The following DMXL1 variants were observed in gnomAD, a reference collection of about 807,000 sequenced individuals.
DMXL1 encodes dmX-like protein 1.
A neutral mutation model predicts 319.2 loss-of-function variants in DMXL1; 99 were observed. The ratio of observed to expected loss-of-function variants is 0.31; its 90% CI spans 0.26 to 0.37. The LOEUF (loss-of-function observed/expected upper bound fraction) is 0.37. Among genes scored for constraint, DMXL1 ranks in the 10% least tolerant of loss-of-function variants. The pLI, the probability that DMXL1 is intolerant of heterozygous loss-of-function variation, is 1.00. For missense variants in DMXL1, 3,745 were observed against 3,595.6 expected (o/e 1.04, Z -1.06); for synonymous variants, 1,385 against 1,235.2 (o/e 1.12, Z -2.54).
chr5:119,150,159 TG>T lies in DMXL1; in HGVS notation c.4333del (p.Glu1445SerfsTer8). ...ACCAATTATCTAAAGAAAGTTATGATGAGCTTTTTCAGACTCAACTTCTAAT... is the reference window on the plus strand; with the variant it reads ...ACCAATTATCTAAAGAAAGTTATGATAGCTTTTTCAGACTCAACTTCTAAT... ...SNQLSKESYD[E>X]LFQTQLLMTD... On this transcript the variant is annotated frameshift_variant, in exon 18 of 44. Coordinates refer to ENST00000539542, the MANE Select transcript of DMXL1 (RefSeq NM_001290321.3). LOFTEE classifies it high-confidence loss of function. The T allele has an allele frequency of 6.2e-7, 1 of 1,613,884 alleles. No individual in the cohort carries two copies. Among genetic ancestry groups the T allele is most frequent in the Non-Finnish European group, 8.5e-7 (1 of 1,179,890 alleles).
intron 32 of DMXL1, among the ~76,000 whole-genome samples, chr5:119,202,653 A>C (rs1012991121): frequency 6.6e-5 from 10 of 151,846 alleles, no homozygotes; most frequent in African/African-American, 2.4e-4. Context: ...GGAGTTCAAG[A>C]CCAGCCTGCC....
intron 10 of DMXL1, chr5:119,132,724 TC>T: frequency 3.9e-6 from 2 of 518,060 alleles, no homozygotes; most frequent in South Asian, 2.9e-5. Flanking sequence ...TGACAATTAG[TC>T]CTATATTGGC....
intron 19 of DMXL1, among the ~76,000 whole-genome samples, chr5:119,152,526 T>C (rs776051466): frequency 2.6e-5 from 4 of 152,228 alleles, no homozygotes; most frequent in Non-Finnish European, 5.9e-5. Flanking sequence ...ATTAGTTTAG[T>C]ATATTTCATG....
intron 4 of DMXL1, among the ~76,000 whole-genome samples, chr5:119,105,693 C>A (rs1758181342): frequency 6.6e-6 from 1 of 151,968 alleles, no homozygotes; most frequent in Admixed American, 6.6e-5. Context: ...GTTGGGAGTT[C>A]AAGACCCGCC....
intron 34 of DMXL1, among the ~76,000 whole-genome samples, chr5:119,215,837 C>G (rs1783583468): frequency 6.6e-6 from 1 of 151,994 alleles, no homozygotes; most frequent in African/African-American, 2.4e-5. Context: ...TGGCTCACGC[C>G]CATAATCCCA....
intron 38 of DMXL1, among the ~76,000 whole-genome samples, chr5:119,227,758 T>C (rs1248700975): frequency 1.3e-5 from 2 of 152,332 alleles, no homozygotes; most frequent in East Asian, 3.9e-4. Flanking sequence ...TTTCCAATTA[T>C]GTCCTGCTAT....
chr5:119,151,785 T>C, intron 18 of DMXL1, 144 bp from the exon 19 acceptor site: 2 of 483,506 alleles, frequency 4.1e-6, no homozygotes, highest in Non-Finnish European at 7.3e-6. Context: ...TGTAAAATTC[T>C]GTAGAAAAAG....
chr5:119,095,350 G>A (rs1561563901), intron 1 of DMXL1, among the ~76,000 whole-genome samples: 1 of 152,156 alleles, frequency 6.6e-6, no homozygotes, highest in African/African-American at 2.4e-5. Context: ...ATTTTCCTCT[G>A]TATAGTACTA....
At chr5:119,128,012 T>C in intron 9 of DMXL1, 1 of 409,630 alleles carries the variant, frequency 2.4e-6, no homozygotes, top group Non-Finnish European at 4.9e-6. Context: ...GCATCTGACA[T>C]CTGTTTTATC....
rs1207635623 is a variant in DMXL1 at position 119,149,436 on chromosome 5, G to A, written c.3609G>A (p.Val1203=). 1.5e-5 allele frequency: 25 copies of A among 1,613,792 alleles called. No individual in the cohort carries two copies. Among genetic ancestry groups the A allele is most frequent in the Non-Finnish European group, 1.9e-5 (23 of 1,179,884 alleles). Residue 1203 remains valine, a synonymous_variant, in exon 18 of 44, where the codon GTG becomes GTA. Transcript: ENST00000539542. The stretch of plus-strand genomic sequence containing the variant: ...CTAAATTTGTACTATTACGAAGTGT[G>A]GACCTAGTTTCTTCTGTAGATGGCT... ...PLSKFVLLRS[V]DLVSSVDGSP... is the part of the protein sequence containing the mutation.
At chr5:119,244,246 A>T in intron 42 of DMXL1, 113 bp from the exon 43 acceptor site, 1 of 746,336 alleles carries the variant, frequency 1.3e-6, no homozygotes, top group Non-Finnish European at 2.2e-6. Context: ...TTGATTTTTT[A>T]ATTGTTTCAG....
At chr5:119,135,074 C>G (rs990424231) in intron 13 of DMXL1, among the ~76,000 whole-genome samples, 1 of 152,154 alleles carries the variant, frequency 6.6e-6, no homozygotes, top group African/African-American at 2.4e-5. Flanking sequence ...TGATCTGTTC[C>G]AATCCTGTTT....
chr5:119,218,583 A>G (rs999215097), intron 35 of DMXL1, among the ~76,000 whole-genome samples: 1 of 152,026 alleles, frequency 6.6e-6, no homozygotes, highest in Non-Finnish European at 1.5e-5. Flanking sequence ...CAGCCTCCCA[A>G]GTAGCTGGGA....
chr5:119,132,925 A>G, intron 10 of DMXL1: 1 of 610,688 alleles, frequency 1.6e-6, no homozygotes, highest in South Asian at 2.0e-5. Context: ...ATTAAGCATT[A>G]CATTTACTGG....
chr5:119,118,748 A>T, intron 7 of DMXL1, 67 bp from the exon 8 acceptor site: 4 of 1,225,558 alleles, frequency 3.3e-6, no homozygotes, highest in South Asian at 1.5e-5. Flanking sequence ...TTACAGAAAC[A>T]TCGTAGAATT....
chr5:119,102,155 T>C, intron 3 of DMXL1, 149 bp downstream of exon 3: 1 of 459,382 alleles, frequency 2.2e-6, no homozygotes, highest in Non-Finnish European at 3.9e-6. Flanking sequence ...GTTAAAAATA[T>C]ATTTAAATTT....
chr5:119,176,568 A>C (rs898615475), intron 26 of DMXL1, among the ~76,000 whole-genome samples: 18 of 152,048 alleles, frequency 1.2e-4, no homozygotes, highest in African/African-American at 4.3e-4. Context: ...TGAAACTGGA[A>C]AGTAAAGCAA....
In DMXL1 at chr5:119,151,954, G is replaced by T. The variant is rs757348102; in HGVS notation, c.4620G>T (p.Gly1540=). The stretch of plus-strand genomic sequence containing the variant: ...GTGGAGAAACTCTTGATGAATGTGG[G>T]TTAAAATTTCTTTTGGCTGTTCGAC... ...SQGGETLDEC[G]LKFLLAVRLH... is the part of the protein sequence containing the mutation. Residue 1540 remains glycine (G), a synonymous_variant, in exon 19 of 44, where the codon GGG becomes GGT. Coordinates refer to ENST00000539542, the MANE Select transcript of DMXL1 (RefSeq NM_001290321.3). 5.6e-6 allele frequency: 9 copies of T among 1,612,632 alleles called. No homozygotes were observed. Among genetic ancestry groups the T allele is most frequent in the Middle Eastern group, 3.3e-4 (2 of 6,048 alleles).
intron 28 of DMXL1, among the ~76,000 whole-genome samples, chr5:119,189,047 T>G (rs1385826293): frequency 6.6e-6 from 1 of 152,192 alleles, no homozygotes; most frequent in Non-Finnish European, 1.5e-5. Context: ...GATTAAAGAT[T>G]TGTATAATTT....
Sources: allele counts gnomAD v4.1 joint callset (sites outside exome capture counted in the v4.1 genomes callset), GRCh38; gene constraint gnomAD v4.1.1; transcripts MANE v1.5; gene names NCBI Gene and HGNC (gene_info 2026-07-23, HGNC 2026-07-21).